TRPM1: variants seen among roughly 807,000 people sequenced by gnomAD.
TRPM1 encodes TRPM1-203 APA Isoform, Intron 10.
In TRPM1, 113 loss-of-function variants were observed where a neutral mutation model predicts 149.4. The observed-to-expected ratio is 0.76, with a 90% confidence interval of 0.65 to 0.88. The LOEUF (loss-of-function observed/expected upper bound fraction) is 0.88. TRPM1 is among the 40% of genes least tolerant of loss of function. The probability of loss-of-function intolerance (pLI) is 0.00; values close to 1 mark genes in which losing one functional copy is unlikely to be tolerated. For missense variants in TRPM1, 1,976 were observed against 2,038.7 expected (o/e 0.97, Z 0.59); for synonymous variants, 741 against 759.5 (o/e 0.98, Z 0.40).
intron 1 of TRPM1, among the ~76,000 whole-genome samples, chr15:31,113,229 C>G (rs1051698593): frequency 6.6e-6 from 1 of 152,112 alleles, no homozygotes; most frequent in African/African-American, 2.4e-5. Context: ...ATCTCCCAGC[C>G]AAATCAACAA....
chr15:31,109,333 CAAAAAAAAAAA>C (rs36072024), intron 1 of TRPM1, among the ~76,000 whole-genome samples: 1 of 32,300 alleles, frequency 3.1e-5, no homozygotes, highest in Non-Finnish European at 6.0e-5. Context: ...GACTCTGCCT[CAAAAAAAAAAA>C]AAAAAAAAAA....
At chr15:31,103,385 G>A (rs985671407), upstream of TRPM1, among the ~76,000 whole-genome samples, 3 of 152,220 alleles carry the variant, frequency 2.0e-5, no homozygotes, top group Non-Finnish European at 4.4e-5. Context: ...GATATGCTCC[G>A]AATGTAAAAT....
chr15:31,116,145 G>C (rs566592642), intron 1 of TRPM1, among the ~76,000 whole-genome samples: 1 of 152,210 alleles, frequency 6.6e-6, no homozygotes, highest in South Asian at 2.1e-4. Context: ...AACCAATGTG[G>C]GGGAGGAAAA....
At chr15:31,157,453 T>A (rs1192682093) in intron 1 of TRPM1, among the ~76,000 whole-genome samples, 1 of 152,206 alleles carries the variant, frequency 6.6e-6, no homozygotes, top group Non-Finnish European at 1.5e-5. Context: ...GGCAGATGGG[T>A]ACAATTGCTG....
At chr15:31,088,342 G>C (rs527645242) in intron 1 of TRPM1, among the ~76,000 whole-genome samples, 1 of 152,352 alleles carries the variant, frequency 6.6e-6, no homozygotes, top group South Asian at 2.1e-4. Context: ...CTTATTGGTT[G>C]TGGAAGCTTT....
rs2140939655 is a variant in TRPM1 at position 31,049,482 on chromosome 15, C to A, written c.1465G>T (p.Asp489Tyr). The A allele has an allele frequency of 6.2e-7, 1 of 1,614,096 alleles. No individual in the cohort carries two copies. Among genetic ancestry groups the A allele is most frequent in the Middle Eastern group, 1.7e-4 (1 of 5,996 alleles). The change falls in exon 13 of 28, where the codon GAT becomes TAT. Residue 489 changes from aspartate (D) to tyrosine (Y), a missense_variant. Asp to Tyr is a radical substitution (Grantham distance 160, BLOSUM62 -3). This residue lies in a region of TRPM1 where 1,332 missense variants were observed against 1,347.1 expected (regional missense o/e 0.99). Coordinates refer to ENST00000256552, the MANE Select transcript of TRPM1 (RefSeq NM_001252024.2). ...TCGACACGATCTAAGACTAAAGCATCTAGCATCGCTTGCTCCAAAGCATTC... is the reference window on the plus strand; with the variant it reads ...TCGACACGATCTAAGACTAAAGCATATAGCATCGCTTGCTCCAAAGCATTC... Reference protein sequence around the residue: ...WVNALEQAMLDALVLDRVDFV... With the variant: ...WVNALEQAMLYALVLDRVDFV...
chr15:31,106,724 A>T (rs2035611975), upstream of TRPM1, among the ~76,000 whole-genome samples: 1 of 152,220 alleles, frequency 6.6e-6, no homozygotes, highest in Non-Finnish European at 1.5e-5. Flanking sequence ...GGTCTCTACA[A>T]ATAGCACAGC....
chr15:31,035,739 C>A, intron 20 of TRPM1, 65 bp from the exon 21 acceptor site: 1 of 1,610,824 alleles, frequency 6.2e-7, no homozygotes, highest in Non-Finnish European at 8.5e-7. Context: ...TTTTGAAACG[C>A]TGTTTTCTTT....
In TRPM1 at chr15:31,027,085, T is replaced by C. The variant is rs1386092448; in HGVS notation, c.3326A>G (p.Asn1109Ser). The change falls in exon 26 of 28, where the codon AAC becomes AGC. Residue 1109 changes from asparagine (N) to serine (S), a missense_variant. Physicochemically the swap from Asn to Ser is conservative, Grantham distance 46. Coordinates refer to ENST00000256552, the MANE Select transcript of TRPM1 (RefSeq NM_001252024.2). ...ATATCGCTGGAACTTCCACACCTGG[T>C]TGGATATTGATTTTACTTCAAAGAA... ...NTFFEVKSIS[N>S]QVWKFQRYQL... 3.1e-6 allele frequency: 5 copies of C among 1,614,154 alleles called. No homozygotes were observed. Among genetic ancestry groups the C allele is most frequent in the Non-Finnish European group, 4.2e-6 (5 of 1,180,034 alleles).
chr15:31,114,712 C>T (rs2035773570), intron 1 of TRPM1, among the ~76,000 whole-genome samples: 1 of 152,108 alleles, frequency 6.6e-6, no homozygotes, highest in South Asian at 2.1e-4. Flanking sequence ...TAATTGCCAA[C>T]CTAGAATTTT....
intron 22 of TRPM1, among the ~76,000 whole-genome samples, 177 bp downstream of exon 22, chr15:31,032,512 A>T (rs1157568556): frequency 6.6e-6 from 1 of 152,182 alleles, no homozygotes; most frequent in Non-Finnish European, 1.5e-5. Context: ...ATTGGATTTT[A>T]TTAAGTTATC....
At chr15:31,113,851 G>T (rs71474645) in intron 1 of TRPM1, among the ~76,000 whole-genome samples, 18 of 152,120 alleles carry the variant, frequency 1.2e-4, no homozygotes, top group African/African-American at 3.4e-4. Context: ...AAACAACGAC[G>T]CTCCCACACG....
At chr15:31,113,860 C>T (rs2338852) in intron 1 of TRPM1, among the ~76,000 whole-genome samples, 3 of 151,340 alleles carry the variant, frequency 2.0e-5, no homozygotes, top group South Asian at 2.1e-4. Context: ...CGCTCCCACA[C>T]GCTGGAAGGG....
In TRPM1 at chr15:31,042,133, G is replaced by C; in HGVS notation, c.1905C>G (p.His635Gln). Residue 635 changes from histidine to glutamine, a missense_variant, in exon 17 of 28, where the codon CAC becomes CAG. Transcript: ENST00000256552. ...PAVSRFQYPF[H>Q]ELMVWAVLMK... ...TCAGCACTGCCCACACCATCAGCTC[G>C]TGGAAGGGATACTGGAACCGACTCA... 1 of 1,614,178 alleles carries C rather than the reference G, an allele frequency of 6.2e-7. No homozygotes were observed. Among genetic ancestry groups the C allele is most frequent in the Non-Finnish European group, 8.5e-7 (1 of 1,180,032 alleles).
chr15:31,002,566 T>G lies in TRPM1; in HGVS notation c.4134A>C (p.Pro1378=). ...CATCTTCCTTTGAAATCCCAATATC[T>G]GGACCTAATTTTGACTCTTCAGCGT... ...LKNAEESKLG[P]DIGISKEDDE... is the part of the protein sequence containing the mutation. Residue 1378 remains proline (P), a synonymous_variant, in exon 28 of 28, where the codon CCA becomes CCC. Transcript: ENST00000256552. 1 of 1,614,216 alleles carries G rather than the reference T, an allele frequency of 6.2e-7. No individual in the cohort carries two copies. The highest frequency in any genetic ancestry group is 8.5e-7 in the Non-Finnish European group (1 of 1,180,044).
chr15:31,041,879 A>G, intron 17 of TRPM1, 72 bp downstream of exon 17: 1 of 1,547,882 alleles, frequency 6.5e-7, no homozygotes. Flanking sequence ...TACATTGGCC[A>G]CCCCTCCCTG....
Position 31,002,190 on chromosome 15 carries a change from T to C in TRPM1, c.4510A>G (p.Ser1504Gly). The C allele has an allele frequency of 6.2e-7, 1 of 1,614,260 alleles. No homozygotes were observed. The highest frequency in any genetic ancestry group is 8.5e-7 in the Non-Finnish European group (1 of 1,180,054). Residue 1504 changes from serine (S) to glycine (G), a missense_variant, in exon 28 of 28, where the codon AGC becomes GGC. Physicochemically the swap from Ser to Gly is moderately conservative, Grantham distance 56 (BLOSUM62 0). Around this residue, in one of 3 missense-constraint regions of TRPM1, gnomAD observed 572 missense variants for 578.9 expected, o/e 0.99. Coordinates refer to ENST00000256552, the MANE Select transcript of TRPM1 (RefSeq NM_001252024.2). ...GACACAATGTAAGGAATATCTGTGC[T>C]ATGAGAGCGCGTGATCTTTTGAACT... ...CQVQKITRSHSTDIPYIVSEA... is the reference protein window; with the variant it reads ...CQVQKITRSHGTDIPYIVSEA...
At chr15:31,012,953 C>A (rs2032236232) in intron 27 of TRPM1, among the ~76,000 whole-genome samples, 1 of 150,564 alleles carries the variant, frequency 6.6e-6, no homozygotes, top group South Asian at 2.1e-4. Context: ...AATTTCCTTC[C>A]CTTCCTTCAT....
intron 1 of TRPM1, among the ~76,000 whole-genome samples, chr15:31,132,108 T>G (rs2036024084): frequency 6.6e-6 from 1 of 152,204 alleles, no homozygotes; most frequent in Admixed American, 6.5e-5. Flanking sequence ...TTACGCGGAT[T>G]ACCCCTCCAC....
Sources: allele counts gnomAD v4.1 joint callset (sites outside exome capture counted in the v4.1 genomes callset), GRCh38; gene constraint gnomAD v4.1.1; regional missense constraint gnomAD v4.1.1; transcripts MANE v1.5; gene names NCBI Gene and HGNC (gene_info 2026-07-23, HGNC 2026-07-21).